CEP128: variants seen among roughly 807,000 people sequenced by gnomAD.
The protein encoded by CEP128 is centrosomal protein 128.
In CEP128, 132 loss-of-function variants were observed where a neutral mutation model predicts 156.7. That is an observed-to-expected ratio of 0.84 (90% CI 0.73 to 0.97). The LOEUF (loss-of-function observed/expected upper bound fraction) is 0.97, where lower values mean the gene tolerates loss of function less well. Ranked by LOEUF, CEP128 falls within the 50% of genes least tolerant of loss-of-function variation. The pLI is 0.00. For missense variants in CEP128, 1,252 were observed against 1,281.9 expected (o/e 0.98, Z 0.36); for synonymous variants, 469 against 448.9 (o/e 1.04, Z -0.57).
intron 19 of CEP128, among the ~76,000 whole-genome samples, chr14:80,607,655 A>G (rs1892839725): frequency 6.6e-6 from 1 of 152,170 alleles, no homozygotes; most frequent in Non-Finnish European, 1.5e-5. Flanking sequence ...ACTTCAGAGT[A>G]AGAACACTTA....
At chr14:80,613,340 T>C (rs1423392340) in intron 19 of CEP128, among the ~76,000 whole-genome samples, 2 of 114,736 alleles carry the variant, frequency 1.7e-5, no homozygotes, top group East Asian at 5.9e-4. Flanking sequence ...TCTCGCTCTG[T>C]CGCCCAGGCT....
chr14:80,908,971 G>A lies in CEP128; in HGVS notation c.235-2890C>T, dbSNP rs552695233. On this transcript the variant is annotated intron_variant, in intron 4 of 24. Transcript: ENST00000555265. ...ATCACCCTTTGGGGTCTCCATTAAA[G>A]CTAAAGGGTTCCTGAACTCCAGCTT... Among the ~76,000 whole-genome samples, 1,265 of 135,498 alleles carry A rather than the reference G, an allele frequency of 9.3e-3. 14 individuals carry two copies. The highest frequency in any genetic ancestry group is 0.012 in the South Asian group (45 of 3,852). The allele number at this position is 135,498 out of a possible 152,430, so 88.9% of individuals were successfully genotyped here.
chr14:80,643,446 T>C (rs1261509503), intron 19 of CEP128, among the ~76,000 whole-genome samples: 3 of 152,016 alleles, frequency 2.0e-5, no homozygotes, highest in Non-Finnish European at 4.4e-5. Flanking sequence ...TGGCCGGGTG[T>C]GGTGGTTCAC....
At chr14:80,606,200 C>T (rs1025899011) in intron 19 of CEP128, among the ~76,000 whole-genome samples, 8 of 152,062 alleles carry the variant, frequency 5.3e-5, no homozygotes, top group African/African-American at 9.7e-5. Flanking sequence ...TAACACTGGC[C>T]ACATTGTACA....
rs1028701724 is a variant in CEP128, at chr14:80,536,062, G to A, written c.2881-5176C>T. ...ATCTGCAACAACACCAAACTCCTATGAAGTTCAGCTGTCTGTACTGTTCCA... is the reference window on the plus strand; with the variant it reads ...ATCTGCAACAACACCAAACTCCTATAAAGTTCAGCTGTCTGTACTGTTCCA... On this transcript the variant is annotated intron_variant, in intron 21 of 24. Coordinates refer to ENST00000555265, the MANE Select transcript of CEP128 (RefSeq NM_152446.5). Among the ~76,000 whole-genome samples the A allele has an allele frequency of 2.0e-5, 3 of 152,178 alleles. No homozygotes were observed. The South Asian group carries it at 6.2e-4, about 32-fold the overall frequency.
intron 8 of CEP128, among the ~76,000 whole-genome samples, chr14:80,892,408 A>G (rs1889145353): frequency 6.6e-6 from 1 of 152,040 alleles, no homozygotes; most frequent in Non-Finnish European, 1.5e-5. Context: ...TTCAAAATGG[A>G]TAAAAGACCT....
intron 15 of CEP128, among the ~76,000 whole-genome samples, chr14:80,780,668 C>CA (rs1277899201): frequency 6.6e-5 from 10 of 151,912 alleles, no homozygotes; most frequent in Non-Finnish European, 1.2e-4. Flanking sequence ...AGCACTTCCT[C>CA]AAAAAAAATG....
chr14:80,490,775 T>G (rs1887298087), intron 6 of CEP128: 1 of 152,210 alleles, frequency 6.6e-6, no homozygotes, highest in Non-Finnish European at 1.5e-5. Flanking sequence ...ACTCTAGTAC[T>G]TCACCTGGAA....
intron 19 of CEP128, among the ~76,000 whole-genome samples, chr14:80,620,720 G>T (rs1459848552): frequency 1.3e-5 from 2 of 152,190 alleles, no homozygotes; most frequent in African/African-American, 4.8e-5. Flanking sequence ...ATGATTTTCA[G>T]TCCAAAGGAA....
At chr14:80,563,682 G>A (rs1411564860) in intron 20 of CEP128, among the ~76,000 whole-genome samples, 4 of 151,562 alleles carry the variant, frequency 2.6e-5, no homozygotes, top group Admixed American at 6.6e-5. Flanking sequence ...TACAAGGCGC[G>A]TGCCACCACA....
intron 21 of CEP128, among the ~76,000 whole-genome samples, chr14:80,542,268 T>C (rs1889798907): frequency 6.6e-6 from 1 of 152,216 alleles, no homozygotes; most frequent in African/African-American, 2.4e-5. Context: ...TTTCCAATGC[T>C]GAGTACTTGG....
At chr14:80,486,564 T>C (rs1177699414), downstream of CEP128, among the ~76,000 whole-genome samples, 1 of 151,866 alleles carries the variant, frequency 6.6e-6, no homozygotes, top group Non-Finnish European at 1.5e-5. Context: ...AGACACATAA[T>C]TGTCAGATTC....
intron 8 of CEP128, among the ~76,000 whole-genome samples, chr14:80,885,956 ACACAG>A (rs1025172617): frequency 1.3e-5 from 2 of 152,092 alleles, no homozygotes; most frequent in Non-Finnish European, 2.9e-5. Context: ...GAGCTGAAGA[ACACAG>A]CATGAGAACT....
chr14:80,617,215 T>C (rs144802293), intron 19 of CEP128, among the ~76,000 whole-genome samples: 5,069 of 119,084 alleles, frequency 0.043, 537 homozygotes, highest in African/African-American at 0.15. Context: ...TATGTGAATA[T>C]CATCTTTTTT....
chr14:80,756,041 T>C (rs186376215), intron 18 of CEP128, among the ~76,000 whole-genome samples: 1 of 152,298 alleles, frequency 6.6e-6, no homozygotes, highest in Non-Finnish European at 1.5e-5. Flanking sequence ...TGATAAAGAT[T>C]TTAACTTGAA....
chr14:80,916,638 T>C (rs1884581361), intron 2 of CEP128, 76 bp from the exon 3 acceptor site: 1 of 1,144,164 alleles, frequency 8.7e-7, no homozygotes, highest in Non-Finnish European at 1.2e-6. Context: ...AACAGTTTAC[T>C]TTTGATCTCT....
rs1156896876 is a variant in CEP128 at position 80,496,525 on chromosome 14, C to A, written c.*954G>T. ...TTTATTGCCCTTGTCTATGCAGAAT[C>A]CATGACCCAATAGGATTCAGTTCCT... On this transcript the variant is annotated 3_prime_UTR_variant, in exon 25 of 25. Coordinates refer to ENST00000555265, the MANE Select transcript of CEP128 (RefSeq NM_152446.5). The A allele has an allele frequency of 6.6e-6, 1 of 152,598 alleles. No homozygotes were observed. The highest frequency in any genetic ancestry group is 6.6e-5 in the Admixed American group (1 of 15,266). 9.5% of individuals were successfully genotyped at this position (152,598 alleles called of 1,614,324 possible).
chr14:80,640,084 T>C (rs7140933), intron 19 of CEP128, among the ~76,000 whole-genome samples: 53,745 of 151,942 alleles, frequency 0.35, 11,247 homozygotes, highest in African/African-American at 0.59. Context: ...GAAAGAATAT[T>C]CAGTAATGGA....
At chr14:80,865,909 C>A (rs1595519007) in intron 8 of CEP128, among the ~76,000 whole-genome samples, 1 of 152,150 alleles carries the variant, frequency 6.6e-6, no homozygotes, top group East Asian at 1.9e-4. Flanking sequence ...AAAATGCAGC[C>A]TGCAAGTGAC....
Sources: allele counts gnomAD v4.1 joint callset (sites outside exome capture counted in the v4.1 genomes callset), GRCh38; gene constraint gnomAD v4.1.1; transcripts MANE v1.5; gene names NCBI Gene and HGNC (gene_info 2026-07-23, HGNC 2026-07-21).